C12orf42: variants seen among roughly 807,000 people sequenced by gnomAD.
The protein encoded by C12orf42 is uncharacterized protein C12orf42.
C12orf42 carries 25 observed loss-of-function variants against 21.6 expected under a neutral mutation model. That is an observed-to-expected ratio of 1.16 (90% CI 0.84 to 1.62). The LOEUF is 1.62. Among genes scored for constraint, C12orf42 ranks in the 40% most tolerant of loss-of-function variants. The pLI is 0.00. For missense variants in C12orf42, 483 were observed against 459.3 expected (o/e 1.05, Z -0.47); for synonymous variants, 174 against 175.0 (o/e 0.99, Z 0.05).
intron 4 of C12orf42, among the ~76,000 whole-genome samples, chr12:103,294,579 GGAAGGAAAGAAA>G (rs1208526810): frequency 8.5e-4 from 55 of 64,966 alleles, no homozygotes; most frequent in Admixed American, 2.8e-3. Flanking sequence ...AAGGAAGGAA[GGAAGGAAAGAAA>G]GAAAGAAAGA....
At chr12:103,296,020 C>G (rs1161715923) in intron 4 of C12orf42, among the ~76,000 whole-genome samples, 2 of 116,898 alleles carry the variant, frequency 1.7e-5, no homozygotes, top group Non-Finnish European at 3.3e-5. Context: ...CCACTCCCCC[C>G]ACCCCACAAC....
chr12:103,458,650 G>A (rs1952477357), intron 2 of C12orf42, among the ~76,000 whole-genome samples: 3 of 152,152 alleles, frequency 2.0e-5, no homozygotes, highest in Non-Finnish European at 1.5e-5. Flanking sequence ...GAATCCTTGT[G>A]TTTAAAAGCA....
the C12orf42 span, among the ~76,000 whole-genome samples, chr12:103,555,749 C>A: frequency 6.6e-6 from 1 of 151,954 alleles, no homozygotes; most frequent in Admixed American, 6.5e-5. Context: ...GTAGAACATG[C>A]ATTTCAGAAT....
intron 4 of C12orf42, among the ~76,000 whole-genome samples, chr12:103,334,907 AT>A (rs1395447699): frequency 6.6e-6 from 1 of 152,234 alleles, no homozygotes; most frequent in Non-Finnish European, 1.5e-5. Flanking sequence ...ATGCCTATAC[AT>A]TAACAAAAGT....
chr12:103,388,184 C>T (rs190994108), intron 3 of C12orf42, among the ~76,000 whole-genome samples: 1 of 152,160 alleles, frequency 6.6e-6, no homozygotes, highest in Admixed American at 6.5e-5. Context: ...GGGGTGATAA[C>T]TCTGAGTGCC....
the C12orf42 span, among the ~76,000 whole-genome samples, chr12:103,052,596 C>A: frequency 1.3e-5 from 2 of 151,898 alleles, no homozygotes; most frequent in South Asian, 4.1e-4. Flanking sequence ...ATTTATATTG[C>A]AAACTTCTTT....
chr12:103,407,688 T>C (rs1305854433), intron 2 of C12orf42, among the ~76,000 whole-genome samples: 1 of 152,168 alleles, frequency 6.6e-6, no homozygotes, highest in East Asian at 1.9e-4. Context: ...TCAAAAGTTA[T>C]GCATGGATTT....
At chr12:103,098,645 A>T in the C12orf42 span, among the ~76,000 whole-genome samples, 2 of 152,218 alleles carry the variant, frequency 1.3e-5, no homozygotes, top group Non-Finnish European at 2.9e-5. Context: ...CTAGAGAGGT[A>T]AAGCCCATGT....
At chr12:103,450,364 T>C (rs1034402822) in intron 2 of C12orf42, among the ~76,000 whole-genome samples, 1 of 152,152 alleles carries the variant, frequency 6.6e-6, no homozygotes, top group Non-Finnish European at 1.5e-5. Context: ...TAATCTCCTC[T>C]TGCTTTACTG....
At chr12:103,511,927 T>C in the C12orf42 span, among the ~76,000 whole-genome samples, 1 of 152,078 alleles carries the variant, frequency 6.6e-6, no homozygotes, top group Non-Finnish European at 1.5e-5. Flanking sequence ...CACTCCTATG[T>C]ATTGGAGAGC....
At chr12:103,539,255 G>T in the C12orf42 span, among the ~76,000 whole-genome samples, 2 of 152,160 alleles carry the variant, frequency 1.3e-5, no homozygotes, top group Non-Finnish European at 2.9e-5. Context: ...ATTGAGTTTA[G>T]GCAGTCCATC....
At chr12:103,175,496 G>A in the C12orf42 span, among the ~76,000 whole-genome samples, 1 of 152,152 alleles carries the variant, frequency 6.6e-6, no homozygotes, top group South Asian at 2.1e-4. Flanking sequence ...AAAATTGGGC[G>A]CTCATCTTCA....
chr12:103,356,494 T>C (rs538392200), intron 4 of C12orf42, among the ~76,000 whole-genome samples: 26 of 152,204 alleles, frequency 1.7e-4, no homozygotes, highest in African/African-American at 5.5e-4. Context: ...TACGTGTCCA[T>C]GTGTCTTTAT....
chr12:103,509,138 G>GT, the C12orf42 span, among the ~76,000 whole-genome samples: 1 of 152,282 alleles, frequency 6.6e-6, no homozygotes, highest in Middle Eastern at 3.4e-3. Context: ...CTTGTAAAGT[G>GT]TTCAGTATAG....
At chr12:103,143,164 A>G in the C12orf42 span, among the ~76,000 whole-genome samples, 1 of 152,230 alleles carries the variant, frequency 6.6e-6, no homozygotes, top group Admixed American at 6.5e-5. Context: ...TCTGCCTTTG[A>G]AAAAGCAAGT....
At chr12:103,521,084 C>T in the C12orf42 span, among the ~76,000 whole-genome samples, 1 of 152,164 alleles carries the variant, frequency 6.6e-6, no homozygotes, top group South Asian at 2.1e-4. Context: ...ATGCACTGTG[C>T]TGCATTAAAC....
At chr12:103,239,192 T>C (rs935835411) in intron 10 of C12orf42, among the ~76,000 whole-genome samples, 1 of 152,232 alleles carries the variant, frequency 6.6e-6, no homozygotes, top group Non-Finnish European at 1.5e-5. Flanking sequence ...ATGTAAAGAC[T>C]TAAAATACTG....
At chr12:103,232,562 T>A in the C12orf42 span, among the ~76,000 whole-genome samples, 12 of 152,060 alleles carry the variant, frequency 7.9e-5, no homozygotes, top group East Asian at 2.3e-3. Context: ...TACAAAAAAA[T>A]TAGCCAGGTG....
the C12orf42 span, among the ~76,000 whole-genome samples, chr12:103,206,402 A>G: frequency 1.3e-5 from 2 of 152,276 alleles, no homozygotes; most frequent in South Asian, 4.1e-4. Context: ...TGAGGGAGCT[A>G]TTACTGGGAA....
Sources: gnomAD v4.1 joint callset for allele counts (sites outside exome capture counted in the v4.1 genomes callset) on GRCh38, gnomAD v4.1.1 for gene constraint, MANE v1.5 for transcripts, NCBI Gene and HGNC (gene_info 2026-07-23, HGNC 2026-07-21) for gene names.